PATL2: variants seen among roughly 807,000 people sequenced by gnomAD.
PATL2 encodes the protein PAT1 homolog 2.
A neutral mutation model predicts 77.0 loss-of-function variants in PATL2; 73 were observed. That is an observed-to-expected ratio of 0.95 (90% CI 0.78 to 1.15). PATL2 has a LOEUF of 1.15. PATL2 is among the 50% of genes most tolerant of loss of function. The pLI is 0.00. For missense variants in PATL2, 618 were observed against 655.4 expected, an observed-to-expected ratio of 0.94 and a Z score of 0.62; for synonymous variants, 265 against 257.1, an observed-to-expected ratio of 1.03 and a Z score of -0.29.
chr15:44,678,990 C>T (rs1033133384), intron 3 of PATL2, among the ~76,000 whole-genome samples: 2 of 152,114 alleles, frequency 1.3e-5, no homozygotes, highest in African/African-American at 4.8e-5. Flanking sequence ...AATTTGTTGG[C>T]ATAAAGTTGT....
At chr15:44,704,416 C>G (rs1344990117) in intron 3 of PATL2, among the ~76,000 whole-genome samples, 2 of 151,980 alleles carry the variant, frequency 1.3e-5, no homozygotes, top group East Asian at 3.9e-4. Flanking sequence ...CACAACATAA[C>G]CCATTATTTT....
At chr15:44,669,621 A>C (rs973810411) in intron 11 of PATL2, 58 bp from the exon 12 acceptor site, 2 of 1,532,256 alleles carry the variant, frequency 1.3e-6, no homozygotes, top group African/African-American at 2.8e-5. Flanking sequence ...GCCCTAGCCC[A>C]GGCCCCCAAC....
chr15:44,708,699 T>G (rs2086790189), intron 3 of PATL2, among the ~76,000 whole-genome samples: 2 of 152,242 alleles, frequency 1.3e-5, no homozygotes, highest in African/African-American at 4.8e-5. Flanking sequence ...GGTTTATTCA[T>G]TTACCTGTTG....
In PATL2 at chr15:44,670,102, A is replaced by G. The variant is rs1400637224; in HGVS notation, c.658-15T>C. On this transcript the variant is annotated splice_polypyrimidine_tract_variant and intron_variant, in intron 9 of 17. Coordinates refer to ENST00000682850, the MANE Select transcript of PATL2 (RefSeq NM_001387263.1). ...TGGTAATATTCCTGAGAATGCACGG[A>G]ATAGGAAACAAAAAAACAAAACACC... is the stretch of plus-strand genomic sequence containing the variant. 6.4e-7 allele frequency: 1 copy of G among 1,550,680 alleles called. No homozygotes were observed. The highest frequency in any genetic ancestry group is 1.2e-5 in the South Asian group (1 of 83,810).
intron 3 of PATL2, among the ~76,000 whole-genome samples, chr15:44,709,401 G>C (rs548043302): frequency 6.6e-6 from 1 of 152,062 alleles, no homozygotes; most frequent in Admixed American, 6.6e-5. Context: ...CATATTTGTG[G>C]CTGGGCGTGG....
chr15:44,689,965 G>A (rs145976493), intron 3 of PATL2, among the ~76,000 whole-genome samples: 2,959 of 152,206 alleles, frequency 0.019, 101 homozygotes, highest in African/African-American at 0.068. Flanking sequence ...CGAGGTGGGC[G>A]GATCACCTGA....
At chr15:44,668,864 C>T (rs2085515736) in intron 14 of PATL2, 116 bp downstream of exon 14, 1 of 1,270,580 alleles carries the variant, frequency 7.9e-7, no homozygotes, top group South Asian at 1.7e-5. Context: ...GGCCAGCATC[C>T]CTCGCTGTGC....
chr15:44,704,556 T>C (rs542656178), intron 3 of PATL2, among the ~76,000 whole-genome samples: 1 of 152,230 alleles, frequency 6.6e-6, no homozygotes, highest in Non-Finnish European at 1.5e-5. Flanking sequence ...CATATTGTAC[T>C]GTCTATGTCT....
chr15:44,672,617 C>T (rs1345469523), intron 7 of PATL2, among the ~76,000 whole-genome samples, 161 bp from the exon 8 acceptor site: 5 of 152,164 alleles, frequency 3.3e-5, no homozygotes, highest in Non-Finnish European at 7.3e-5. Flanking sequence ...GTCCTAGACC[C>T]ACAGGGTTCC....
intron 3 of PATL2, among the ~76,000 whole-genome samples, chr15:44,690,340 ATT>A (rs71762204): frequency 4.2e-4 from 60 of 141,678 alleles, no homozygotes; most frequent in African/African-American, 1.2e-3. Context: ...AAGTCAAAAT[ATT>A]TTTTTTTTTT....
At chr15:44,704,816 A>T (rs1008807558) in intron 3 of PATL2, among the ~76,000 whole-genome samples, 2 of 151,976 alleles carry the variant, frequency 1.3e-5, no homozygotes, top group African/African-American at 4.8e-5. Context: ...AAATCCCTCA[A>T]CTTTTGTTTG....
Position 44,669,989 on chromosome 15 carries a change from C to T in PATL2, c.756G>A (p.Pro252=), listed in dbSNP as rs754106455. The T allele has an allele frequency of 1.2e-5, 19 of 1,548,604 alleles. No homozygotes were observed. The highest frequency in any genetic ancestry group is 1.5e-5 in the Non-Finnish European group (17 of 1,145,756). ...ESLKLVTPYI[P]KAEAYESVVR... The stretch of plus-strand genomic sequence containing the variant: ...TACCGGACTCATAAGCCTCTGCCTT[C>T]GGAATGTAAGGCGTTACCAGCTTGA... Residue 252 remains proline (P), a synonymous_variant, in exon 10 of 18, where the codon CCG becomes CCA. Coordinates refer to ENST00000682850, the MANE Select transcript of PATL2 (RefSeq NM_001387263.1).
At chr15:44,674,280 C>G (rs1232592047) in intron 5 of PATL2, 50 bp from the exon 6 acceptor site, 1 of 1,349,000 alleles carries the variant, frequency 7.4e-7, no homozygotes, top group South Asian at 1.3e-5. Context: ...CCTGTAGTGT[C>G]TTCTGCATTC....
chr15:44,699,772 T>C (rs2086590266), intron 3 of PATL2, among the ~76,000 whole-genome samples: 1 of 152,238 alleles, frequency 6.6e-6, no homozygotes, highest in Non-Finnish European at 1.5e-5. Context: ...TTCTCCAATG[T>C]AGGTTTTTGA....
chr15:44,676,526 C>T lies in PATL2; in HGVS notation c.-36G>A. On this transcript the variant is annotated 5_prime_UTR_variant, in exon 4 of 18. Coordinates refer to ENST00000682850, the MANE Select transcript of PATL2 (RefSeq NM_001387263.1). ...TGGTGGACTTCCTTCTTAGCCGTGT[C>T]CTCCAGTGAAACAGCATTGCCAGCC... 1 of 1,551,336 alleles carries T rather than the reference C, an allele frequency of 6.4e-7. No individual in the cohort carries two copies. Among genetic ancestry groups the T allele is most frequent in the Non-Finnish European group, 8.7e-7 (1 of 1,146,770 alleles).
chr15:44,678,771 C>A (rs763776804), intron 3 of PATL2, among the ~76,000 whole-genome samples: 18 of 151,970 alleles, frequency 1.2e-4, no homozygotes, highest in Non-Finnish European at 2.5e-4. Context: ...CATAGTGAGA[C>A]CCCATCTCTA....
chr15:44,708,115 G>A (rs2086778096), intron 3 of PATL2, among the ~76,000 whole-genome samples: 2 of 152,270 alleles, frequency 1.3e-5, no homozygotes, highest in South Asian at 2.1e-4. Flanking sequence ...GAATGGGGGA[G>A]AGATAGCATT....
chr15:44,671,701 AT>A (rs1300058329), intron 9 of PATL2, among the ~76,000 whole-genome samples: 2 of 152,194 alleles, frequency 1.3e-5, no homozygotes, highest in Admixed American at 1.3e-4. Context: ...ATAACAAGAC[AT>A]TTCTCAGCAT....
In PATL2 at chr15:44,672,423, T is replaced by C; in HGVS notation, c.480A>G (p.Arg160=). 6.4e-7 allele frequency: 1 copy of C among 1,551,704 alleles called. No homozygotes were observed. Among genetic ancestry groups the C allele is most frequent in the Non-Finnish European group, 8.7e-7 (1 of 1,146,996 alleles). Reference sequence around the variant, plus strand: ...GACTATGCTGCTGCTGCTGCAAGATTCGTTGGTGCCGAGGGTGGAGCTGGG... The same window carrying C: ...GACTATGCTGCTGCTGCTGCAAGATCCGTTGGTGCCGAGGGTGGAGCTGGG... ...HLTQLHPRHQ[R]ILQQQQHSQT... The change falls in exon 8 of 18, where the codon CGA becomes CGG. Residue 160 remains arginine, a synonymous_variant. Coordinates refer to ENST00000682850, the MANE Select transcript of PATL2 (RefSeq NM_001387263.1).
Sources: allele counts gnomAD v4.1 joint callset (sites outside exome capture counted in the v4.1 genomes callset), GRCh38; gene constraint gnomAD v4.1.1; transcripts MANE v1.5; gene names NCBI Gene and HGNC (gene_info 2026-07-23, HGNC 2026-07-21).